Variants in PPIL3 observed in about 807,000 individuals in gnomAD.
PPIL3 encodes the protein peptidyl-prolyl cis-trans isomerase-like 3.
In PPIL3, 13 loss-of-function variants were observed where a neutral mutation model predicts 20.9. That is an observed-to-expected ratio of 0.62 (90% CI 0.40 to 0.99). The LOEUF (loss-of-function observed/expected upper bound fraction) is 0.99. Ranked by LOEUF, PPIL3 falls within the 50% of genes least tolerant of loss-of-function variation. PPIL3 has a pLI of 0.00. For missense variants in PPIL3, 170 were observed against 195.2 expected (o/e 0.87, Z 0.77); for synonymous variants, 71 against 64.4 (o/e 1.10, Z -0.49).
chr2:200,875,417 A>G (rs1215193087), intron 6 of PPIL3, among the ~76,000 whole-genome samples: 1 of 151,910 alleles, frequency 6.6e-6, no homozygotes, highest in African/African-American at 2.4e-5. Flanking sequence ...ACAGGCACGC[A>G]CCACCGCACC....
intron 6 of PPIL3, among the ~76,000 whole-genome samples, chr2:200,876,690 T>A (rs988535527): frequency 1.3e-5 from 2 of 152,008 alleles, no homozygotes; most frequent in Admixed American, 6.6e-5. Flanking sequence ...ACTAATTTTT[T>A]AAAATATTTT....
At chr2:200,874,594 C>T (rs529085587) in intron 6 of PPIL3, among the ~76,000 whole-genome samples, 3 of 152,014 alleles carry the variant, frequency 2.0e-5, no homozygotes, top group Non-Finnish European at 4.4e-5. Context: ...ACAGTTTTGT[C>T]GCAAATCCAG....
intron 6 of PPIL3, among the ~76,000 whole-genome samples, chr2:200,874,099 G>A (rs957944108): frequency 2.6e-5 from 4 of 151,520 alleles, no homozygotes; most frequent in Non-Finnish European, 5.9e-5. Context: ...CAGCTACTTG[G>A]GAGGCTGAGG....
chr2:200,875,414 C>T (rs556391257), intron 6 of PPIL3, among the ~76,000 whole-genome samples: 83 of 152,034 alleles, frequency 5.5e-4, no homozygotes, highest in South Asian at 3.3e-3. Flanking sequence ...ATTACAGGCA[C>T]GCACCACCGC....
In PPIL3 at chr2:200,871,286, T is replaced by G. The variant is rs764275580; in HGVS notation, c.*109A>C. On this transcript the variant is annotated 3_prime_UTR_variant, in exon 7 of 7. Coordinates refer to ENST00000392283, the MANE Select transcript of PPIL3 (RefSeq NM_130906.3). ...ACCACCATTTCATAGAAGATCATAG[T>G]TGTAAACAAGCAGAAGGATGATGCA... The G allele has an allele frequency of 8.2e-7, 1 of 1,217,576 alleles. No individual in the cohort carries two copies. The allele number at this position is 1,217,576 out of a possible 1,614,324, so 75.4% of individuals were successfully genotyped here.
At chr2:200,887,469 G>T (rs2039982522) in intron 2 of PPIL3, 144 bp downstream of exon 2, 9 of 309,992 alleles carry the variant, frequency 2.9e-5, no homozygotes, top group East Asian at 1.2e-4. Context: ...TTTTTTAAAA[G>T]AATTATTCCA....
intron 3 of PPIL3, among the ~76,000 whole-genome samples, chr2:200,883,136 T>G (rs1187705468): frequency 6.3e-5 from 9 of 143,408 alleles, no homozygotes; most frequent in Non-Finnish European, 1.2e-4. Context: ...TTTTTTTTTG[T>G]AGAGACAGTG....
intron 2 of PPIL3, 92 bp from the exon 3 acceptor site, chr2:200,885,864 A>T: frequency 1.4e-6 from 1 of 740,478 alleles, no homozygotes. Context: ...CAAGATGATA[A>T]TCTGAATAAA....
At chr2:200,872,405 G>C (rs2039338778) in intron 6 of PPIL3, among the ~76,000 whole-genome samples, 2 of 151,986 alleles carry the variant, frequency 1.3e-5, no homozygotes, top group African/African-American at 4.8e-5. Flanking sequence ...TTTTTACGGA[G>C]GGCACATTAG....
At chr2:200,872,738 A>T (rs1009659900) in intron 6 of PPIL3, among the ~76,000 whole-genome samples, 1 of 152,236 alleles carries the variant, frequency 6.6e-6, no homozygotes, top group Non-Finnish European at 1.5e-5. Flanking sequence ...CCAAATATGT[A>T]TGTCTTATTA....
intron 3 of PPIL3, among the ~76,000 whole-genome samples, chr2:200,883,049 C>CA (rs1347420270): frequency 6.6e-6 from 1 of 151,350 alleles, no homozygotes; most frequent in African/African-American, 2.4e-5. Context: ...ACAATTAATC[C>CA]AAAAGGGGCA....
At chr2:200,879,579 A>G (rs1374340141) in intron 5 of PPIL3, among the ~76,000 whole-genome samples, 2 of 152,168 alleles carry the variant, frequency 1.3e-5, no homozygotes, top group Non-Finnish European at 2.9e-5. Context: ...TCACTCCTAT[A>G]ATCCCAACAC....
At chr2:200,883,340 C>T (rs1427552691) in intron 3 of PPIL3, among the ~76,000 whole-genome samples, 1 of 151,864 alleles carries the variant, frequency 6.6e-6, no homozygotes, top group Non-Finnish European at 1.5e-5. Context: ...CATGGAGATG[C>T]CCTCATACCT....
intron 2 of PPIL3, 125 bp from the exon 3 acceptor site, chr2:200,885,897 G>T: frequency 3.5e-6 from 2 of 575,480 alleles, no homozygotes; most frequent in Non-Finnish European, 6.0e-6. Context: ...TACTGCTTCA[G>T]AGATGACCCA....
rs1347253624 is a variant in PPIL3, at chr2:200,870,943, T to C, written c.*452A>G. 2 of 152,804 alleles carry C rather than the reference T, an allele frequency of 1.3e-5. No homozygotes were observed. Among genetic ancestry groups the C allele is most frequent in the Admixed American group, 6.5e-5 (1 of 15,374 alleles). 9.5% of individuals were successfully genotyped at this position (152,804 alleles called of 1,614,324 possible). Reference sequence around the variant, plus strand: ...ATGAAGTTCATTTACGTTTCATATATACCTTATACACATAGCCTGAAGGTA... The same window carrying C: ...ATGAAGTTCATTTACGTTTCATATACACCTTATACACATAGCCTGAAGGTA... On this transcript the variant is annotated 3_prime_UTR_variant, in exon 7 of 7. Transcript: ENST00000392283.
intron 3 of PPIL3, among the ~76,000 whole-genome samples, chr2:200,884,583 A>T (rs191349017): frequency 1.9e-4 from 29 of 151,596 alleles, no homozygotes; most frequent in East Asian, 7.8e-4. Context: ...ATAAAAATTT[A>T]AAAAAAATTA....
chr2:200,876,661 G>T (rs974757823), intron 6 of PPIL3, among the ~76,000 whole-genome samples: 1 of 152,004 alleles, frequency 6.6e-6, no homozygotes, highest in Admixed American at 6.6e-5. Context: ...GGGACTACAG[G>T]TGTGTGCCAC....
rs555441776 is a variant in PPIL3 at position 200,885,748 on chromosome 2, C to T, written c.28G>A (p.Gly10Ser). ...CAGAAGACTTCAATTTTAATATCAC[C>T]TACATCTGTATGCAGTGTCACAGAC... MSVTLHTDV[G>S]DIKIEVFCER... Residue 10 changes from glycine (G) to serine (S), a missense_variant, in exon 3 of 7, where the codon GGT becomes AGT. Transcript: ENST00000392283. 2 of 1,593,362 alleles carry T rather than the reference C, an allele frequency of 1.3e-6. No homozygotes were observed. The highest frequency in any genetic ancestry group is 1.7e-5 in the Admixed American group (1 of 58,846).
At chr2:200,879,827 C>T (rs1487030245) in intron 5 of PPIL3, among the ~76,000 whole-genome samples, 1 of 152,158 alleles carries the variant, frequency 6.6e-6, no homozygotes. Flanking sequence ...GAGACCCAGT[C>T]TCAAAAACAA....
Sources: gnomAD v4.1 joint callset for allele counts (sites outside exome capture counted in the v4.1 genomes callset) on GRCh38, gnomAD v4.1.1 for gene constraint, MANE v1.5 for transcripts, NCBI Gene and HGNC (gene_info 2026-07-23, HGNC 2026-07-21) for gene names.